Variants in STXBP5 observed in about 807,000 individuals in gnomAD.
STXBP5 encodes the protein syntaxin binding protein 5.
STXBP5 carries 50 observed loss-of-function variants against 152.4 expected under a neutral mutation model. The observed-to-expected ratio is 0.33, with a 90% confidence interval of 0.26 to 0.42. The LOEUF is 0.42. STXBP5 is among the 10% of genes least tolerant of loss of function. STXBP5 has a pLI of 1.00. For missense variants in STXBP5, 1,167 were observed against 1,388.6 expected (o/e 0.84, Z 2.54); for synonymous variants, 492 against 494.7 (o/e 0.99, Z 0.07).
At chr6:147,210,075 G>A (rs1776770712) in intron 2 of STXBP5, among the ~76,000 whole-genome samples, 1 of 152,148 alleles carries the variant, frequency 6.6e-6, no homozygotes, top group Non-Finnish European at 1.5e-5. Context: ...GAAAAGAATG[G>A]ACCAAGTGAA....
At position 147,371,232 on chromosome 6, in the gene STXBP5, T is replaced by TTA. The variant is rs1785525669; in HGVS notation, c.3082-2496_3082-2495dup. On this transcript the variant is annotated intron_variant, in intron 25 of 27. Coordinates refer to ENST00000321680, the MANE Select transcript of STXBP5 (RefSeq NM_001127715.4). ...GAATCATTCTAAATAGTAGATTTAC[T>TTA]TATAATAAAAAGCCTTATTTAAATA... 2.6e-5 allele frequency among the ~76,000 whole-genome samples: 4 copies of TTA among 152,152 alleles called. No individual in the cohort carries two copies. The South Asian group carries it at 8.3e-4, about 32-fold the overall frequency.
intron 9 of STXBP5, among the ~76,000 whole-genome samples, chr6:147,304,794 A>G (rs1240281601): frequency 6.6e-6 from 1 of 152,278 alleles, no homozygotes; most frequent in East Asian, 1.9e-4. Flanking sequence ...TTGGAAATTT[A>G]AGGATTAATG....
At position 147,315,646 on chromosome 6, in the gene STXBP5, G is replaced by A. The variant is rs1782604420; in HGVS notation, c.1534G>A (p.Glu512Lys). Residue 512 changes from glutamate to lysine, a missense_variant, in exon 15 of 28, where the codon GAA (glutamate) becomes AAA (lysine). Coordinates refer to ENST00000321680, the MANE Select transcript of STXBP5 (RefSeq NM_001127715.4). The stretch of plus-strand genomic sequence containing the variant: ...CATTCAGATCATCTCCTGGTGTCCA[G>A]AAAGTAGAATGCTGTGCATCGCTGG... The part of the protein sequence containing the change: ...YAIQIISWCP[E>K]SRMLCIAGVS... 2 of 1,613,924 alleles carry A rather than the reference G, an allele frequency of 1.2e-6. No homozygotes were observed. The highest frequency in any genetic ancestry group is 1.7e-6 in the Non-Finnish European group (2 of 1,179,914).
chr6:147,381,051 T>A (rs1030700915), intron 26 of STXBP5, among the ~76,000 whole-genome samples: 1 of 152,052 alleles, frequency 6.6e-6, no homozygotes, highest in Non-Finnish European at 1.5e-5. Flanking sequence ...GAACTGCCCT[T>A]TATAAAAGCA....
intron 2 of STXBP5, among the ~76,000 whole-genome samples, chr6:147,213,541 A>G (rs1283494689): frequency 6.6e-6 from 1 of 150,876 alleles, no homozygotes; most frequent in African/African-American, 2.4e-5. Context: ...AGATGGGGTC[A>G]TACTATGTTG....
At chr6:147,334,296 TGATA>T (rs1253514764) in intron 19 of STXBP5, 74 bp downstream of exon 19, 31 of 1,340,250 alleles carry the variant, frequency 2.3e-5, no homozygotes, top group Non-Finnish European at 3.1e-5. Context: ...GTGTACATTT[TGATA>T]GATATGCATT....
chr6:147,279,742 A>G (rs541905429), intron 8 of STXBP5, among the ~76,000 whole-genome samples: 19 of 152,270 alleles, frequency 1.2e-4, no homozygotes, highest in African/African-American at 4.6e-4. Context: ...CCTTCCTTCT[A>G]TTAGTATCTA....
chr6:147,265,261 G>A (rs1431541358), intron 6 of STXBP5, among the ~76,000 whole-genome samples: 1 of 152,004 alleles, frequency 6.6e-6, no homozygotes, highest in Non-Finnish European at 1.5e-5. Context: ...TATTTTGTTA[G>A]TTTTGATAGT....
intron 8 of STXBP5, among the ~76,000 whole-genome samples, chr6:147,279,700 G>A (rs1387982602): frequency 6.6e-6 from 1 of 152,132 alleles, no homozygotes; most frequent in Non-Finnish European, 1.5e-5. Flanking sequence ...TCTTATGATA[G>A]TAGGTTCAAG....
At chr6:147,383,051 G>T in intron 27 of STXBP5, 53 bp downstream of exon 27, 1 of 1,570,162 alleles carries the variant, frequency 6.4e-7, no homozygotes, top group Non-Finnish European at 8.7e-7. Flanking sequence ...AAGCAAGTGT[G>T]AATGTTACTT....
intron 7 of STXBP5, 28 bp downstream of exon 7, chr6:147,267,195 A>C: frequency 6.4e-7 from 1 of 1,557,576 alleles, no homozygotes; most frequent in Non-Finnish European, 8.7e-7. Flanking sequence ...AGTAAAAGCT[A>C]TGGTCATTTC....
intron 4 of STXBP5, among the ~76,000 whole-genome samples, chr6:147,247,664 A>T (rs1289185905): frequency 1.3e-5 from 2 of 152,164 alleles, no homozygotes; most frequent in Non-Finnish European, 1.5e-5. Flanking sequence ...TCCTTGTCAG[A>T]ATTTCTCCTA....
At chr6:147,381,073 C>A (rs1034207708) in intron 26 of STXBP5, among the ~76,000 whole-genome samples, 3 of 152,050 alleles carry the variant, frequency 2.0e-5, no homozygotes, top group Non-Finnish European at 2.9e-5. Context: ...CAGATCTGAT[C>A]TTGTGAGACT....
rs1285839663 is a variant in STXBP5 at position 147,235,272 on chromosome 6, T to G, written c.271T>G (p.Cys91Gly). The G allele has an allele frequency of 6.2e-7, 1 of 1,613,368 alleles. No homozygotes were observed. ...CAGCTTTGGTCGTCCAGGAGTAGAATGTTATTGCCAGCATGACAGTGGAGC... is the reference window on the plus strand; with the variant it reads ...CAGCTTTGGTCGTCCAGGAGTAGAAGGTTATTGCCAGCATGACAGTGGAGC... ...LRLFGRPGVE[C>G]YCQHDSGAAV... Residue 91 changes from cysteine to glycine, a missense_variant, in exon 3 of 28, where the codon TGT (cysteine) becomes GGT (glycine). Physicochemically the swap from Cys to Gly is radical, Grantham distance 159. Transcript: ENST00000321680.
intron 8 of STXBP5, among the ~76,000 whole-genome samples, chr6:147,280,446 A>G (rs1056023432): frequency 2.0e-5 from 3 of 152,144 alleles, no homozygotes; most frequent in Non-Finnish European, 4.4e-5. Flanking sequence ...TCTCTCCATT[A>G]TTAAAAAGGT....
At chr6:147,256,363 G>A (rs1222494466) in intron 4 of STXBP5, among the ~76,000 whole-genome samples, 1 of 152,168 alleles carries the variant, frequency 6.6e-6, no homozygotes, top group Non-Finnish European at 1.5e-5. Flanking sequence ...GCTGAAAGAA[G>A]TATGTTTTAG....
intron 4 of STXBP5, among the ~76,000 whole-genome samples, chr6:147,259,741 G>C (rs538986405): frequency 1.3e-4 from 19 of 151,082 alleles, no homozygotes; most frequent in African/African-American, 4.6e-4. Flanking sequence ...GGGGGGGTCT[G>C]TAGGAAAAAA....
At position 147,282,220 on chromosome 6, in the gene STXBP5, G is replaced by A. The variant is rs565362991; in HGVS notation, c.838+4016G>A. On this transcript the variant is annotated intron_variant, in intron 8 of 27. Coordinates refer to ENST00000321680, the MANE Select transcript of STXBP5 (RefSeq NM_001127715.4). The stretch of plus-strand genomic sequence containing the variant: ...CTAGTTTTTCTTATATTTATGATTC[G>A]TTTGGTGGAAAAGGTATGTCATAGT... Among the ~76,000 whole-genome samples the A allele has an allele frequency of 3.8e-4, 58 of 152,232 alleles. No homozygotes were observed. The South Asian group carries it at 4.1e-3, about 11-fold the overall frequency.
intron 6 of STXBP5, 124 bp downstream of exon 6, chr6:147,262,477 A>C: frequency 1.9e-6 from 1 of 535,790 alleles, no homozygotes; most frequent in East Asian, 3.3e-5. Flanking sequence ...TGTATCATAT[A>C]CAGTTAATGC....
Sources: allele counts gnomAD v4.1 joint callset (sites outside exome capture counted in the v4.1 genomes callset), GRCh38; gene constraint gnomAD v4.1.1; transcripts MANE v1.5; gene names NCBI Gene and HGNC (gene_info 2026-07-23, HGNC 2026-07-21).